MAD1L1: variants seen among roughly 807,000 people sequenced by gnomAD.
The protein encoded by MAD1L1 is mitotic spindle assembly checkpoint protein MAD1.
Under a neutral mutation model 96.9 loss-of-function variants are expected in MAD1L1, and 95 were observed. That is an observed-to-expected ratio of 0.98 (90% CI 0.83 to 1.16). The LOEUF (loss-of-function observed/expected upper bound fraction) is 1.16, where lower values mean the gene tolerates loss of function less well. MAD1L1 is among the 50% of genes most tolerant of loss of function. MAD1L1 has a pLI of 0.00. For synonymous variants in MAD1L1, 473 were observed against 396.6 expected, an observed-to-expected ratio of 1.19 and a Z score of -2.29; for missense variants, 1,007 against 954.4, an observed-to-expected ratio of 1.06 and a Z score of -0.73.
Position 2,146,847 on chromosome 7 carries a change from G to T in MAD1L1, c.1073+2305C>A, listed in dbSNP as rs534216419. The stretch of plus-strand genomic sequence containing the variant: ...CAACCGTGCGAGGCTCCCTGACCCC[G>T]CCACGGCAGGCCGCGACGAACACGG... On this transcript the variant is annotated intron_variant, in intron 11 of 18. Transcript: ENST00000265854. This position sits in a 1 kb window ranked among gnomAD's most constrained non-coding sequence, Gnocchi z 6.2. Among the ~76,000 whole-genome samples, 1 of 152,130 alleles carries T rather than the reference G, an allele frequency of 6.6e-6. No individual in the cohort carries two copies. The highest frequency in any genetic ancestry group is 2.4e-5 in the African/African-American group (1 of 41,416).
intron 18 of MAD1L1, among the ~76,000 whole-genome samples, chr7:1,884,822 G>A (rs1299689481): frequency 3.3e-5 from 5 of 152,232 alleles, no homozygotes; most frequent in South Asian, 2.1e-4. Flanking sequence ...CCACAGCAGG[G>A]AGGCCACAGC....
chr7:1,989,464 G>T (rs1688973727), intron 14 of MAD1L1, among the ~76,000 whole-genome samples: 1 of 152,182 alleles, frequency 6.6e-6, no homozygotes, highest in South Asian at 2.1e-4. Flanking sequence ...CAGGGAGAGG[G>T]GAGCAGAAAG....
chr7:1,821,370 A>G (rs986651964), intron 18 of MAD1L1, among the ~76,000 whole-genome samples: 16 of 152,182 alleles, frequency 1.1e-4, no homozygotes, highest in Non-Finnish European at 5.9e-5. Context: ...TTTACCGAAC[A>G]TTAAATATGA....
intron 12 of MAD1L1, among the ~76,000 whole-genome samples, chr7:2,039,018 T>G (rs1179229960): frequency 6.6e-6 from 1 of 152,206 alleles, no homozygotes; most frequent in Non-Finnish European, 1.5e-5. Context: ...GGTTGTCCGT[T>G]CACAGCCACG....
At chr7:1,935,876 C>T (rs967685722) in intron 17 of MAD1L1, among the ~76,000 whole-genome samples, 3 of 152,250 alleles carry the variant, frequency 2.0e-5, no homozygotes, top group African/African-American at 7.2e-5. Flanking sequence ...GGCTCTAACA[C>T]AGGAGCAAGG....
chr7:2,020,627 T>C (rs896506312), intron 12 of MAD1L1, among the ~76,000 whole-genome samples: 5 of 152,196 alleles, frequency 3.3e-5, no homozygotes, highest in African/African-American at 1.2e-4. Flanking sequence ...AGGGGCCTCC[T>C]GGGAGGGAGG....
chr7:2,051,558 C>T (rs959623472), intron 12 of MAD1L1, among the ~76,000 whole-genome samples: 1 of 152,140 alleles, frequency 6.6e-6, no homozygotes, highest in Non-Finnish European at 1.5e-5. Context: ...GCAGAAAAGC[C>T]CAGGAACGAG....
chr7:1,873,200 C>A (rs1205115921), intron 18 of MAD1L1, among the ~76,000 whole-genome samples: 1 of 152,206 alleles, frequency 6.6e-6, no homozygotes, highest in Non-Finnish European at 1.5e-5. Context: ...TGACCCCCAC[C>A]GTAAATGTGT....
intron 14 of MAD1L1, among the ~76,000 whole-genome samples, chr7:1,998,016 A>G (rs751225001): frequency 2.0e-5 from 3 of 152,184 alleles, no homozygotes; most frequent in Non-Finnish European, 4.4e-5. Context: ...CTTGGGGCCC[A>G]GGCATTAGCG....
intron 10 of MAD1L1, among the ~76,000 whole-genome samples, chr7:2,154,309 T>C (rs966177365): frequency 4.5e-4 from 68 of 152,158 alleles, no homozygotes; most frequent in African/African-American, 1.6e-3. Context: ...GAGAGTAGAA[T>C]GACAGGAACT....
chr7:1,946,633 C>T (rs148791716), intron 16 of MAD1L1, among the ~76,000 whole-genome samples: 125 of 152,338 alleles, frequency 8.2e-4, no homozygotes, highest in African/African-American at 2.4e-3. Context: ...CTACCCAGCG[C>T]GGTTAAGCGG....
At chr7:1,826,784 C>T (rs1237601533) in intron 18 of MAD1L1, among the ~76,000 whole-genome samples, 1 of 152,228 alleles carries the variant, frequency 6.6e-6, no homozygotes, top group Non-Finnish European at 1.5e-5. Flanking sequence ...GAAAATAGCT[C>T]AGCCAATTAT....
intron 12 of MAD1L1, among the ~76,000 whole-genome samples, chr7:2,057,507 C>G (rs1331301901): frequency 9.9e-5 from 15 of 152,040 alleles, no homozygotes; most frequent in Admixed American, 7.9e-4. Flanking sequence ...GAACAAGACT[C>G]CATTCCCCCC....
chr7:2,032,527 C>G (rs891174818), intron 12 of MAD1L1, among the ~76,000 whole-genome samples: 4 of 152,234 alleles, frequency 2.6e-5, no homozygotes, highest in Non-Finnish European at 2.9e-5. Context: ...ACATCAGGGT[C>G]CTTCCTCAAC....
intron 10 of MAD1L1, among the ~76,000 whole-genome samples, chr7:2,162,588 T>A (rs4546555): frequency 3.9e-5 from 5 of 128,436 alleles, no homozygotes; most frequent in African/African-American, 9.7e-5. Context: ...GATCAATAAA[T>A]ACTAAAAAAA....
intron 11 of MAD1L1, among the ~76,000 whole-genome samples, chr7:2,087,863 T>C (rs937728595): frequency 2.0e-5 from 3 of 151,994 alleles, no homozygotes; most frequent in African/African-American, 7.2e-5. Context: ...AGGCGCCCCT[T>C]AGCATCCAAG....
intron 10 of MAD1L1, among the ~76,000 whole-genome samples, chr7:2,192,547 T>C (rs990776678): frequency 6.6e-6 from 1 of 152,112 alleles, no homozygotes; most frequent in Non-Finnish European, 1.5e-5. Flanking sequence ...TCAGGAAAAC[T>C]ATCAGCCACC....
At chr7:2,044,559 G>C (rs1584171861) in intron 12 of MAD1L1, among the ~76,000 whole-genome samples, 1 of 152,294 alleles carries the variant, frequency 6.6e-6, no homozygotes, top group East Asian at 1.9e-4. Context: ...AAATGGTTCA[G>C]CAGGGCACAG....
chr7:1,961,523 T>A (rs926620656), intron 15 of MAD1L1, among the ~76,000 whole-genome samples: 2 of 152,178 alleles, frequency 1.3e-5, no homozygotes, highest in Non-Finnish European at 1.5e-5. Flanking sequence ...AACTGGGTGT[T>A]CTTGGGGGAA....
Sources: gnomAD v4.1 joint callset for allele counts (sites outside exome capture counted in the v4.1 genomes callset) on GRCh38, gnomAD v4.1.1 for gene constraint, Gnocchi (gnomAD v3.1) non-coding constraint, MANE v1.5 for transcripts, NCBI Gene and HGNC (gene_info 2026-07-23, HGNC 2026-07-21) for gene names.